The following RB1 variants were observed in gnomAD, a reference collection of about 807,000 sequenced individuals.
The protein encoded by RB1 is RB transcriptional corepressor 1, also known as retinoblastoma-associated protein.
In RB1, 18 loss-of-function variants were observed where a neutral mutation model predicts 135.4. The ratio of observed to expected loss-of-function variants is 0.13; its 90% confidence interval spans 0.09 to 0.20. RB1 has a LOEUF of 0.20. Among genes scored for constraint, RB1 ranks in the 10% least tolerant of loss-of-function variants. RB1 has a pLI of 1.00. For missense variants in RB1, 868 were observed against 1,110.0 expected (o/e 0.78, Z 3.10); for synonymous variants, 365 against 373.2 (o/e 0.98, Z 0.25).
intron 24 of RB1, 147 bp from the exon 25 acceptor site, chr13:48,476,554 C>T (rs1164091930): frequency 7.7e-6 from 6 of 776,046 alleles, no homozygotes; most frequent in Non-Finnish European, 1.2e-5. Context: ...TTTTTCATAT[C>T]TTTTATTTGG....
At chr13:48,384,703 T>C (rs1278653445) in intron 17 of RB1, among the ~76,000 whole-genome samples, 4 of 152,174 alleles carry the variant, frequency 2.6e-5, no homozygotes, top group Non-Finnish European at 4.4e-5. Context: ...CTCCTGCCAA[T>C]AATTTAATGA....
intron 2 of RB1, among the ~76,000 whole-genome samples, chr13:48,339,022 G>A (rs550153998): frequency 5.3e-5 from 8 of 152,256 alleles, no homozygotes; most frequent in African/African-American, 1.9e-4. Context: ...CTACCTGATC[G>A]TTCCTCTGGA....
chr13:48,338,635 T>C (rs1952409023), intron 2 of RB1, among the ~76,000 whole-genome samples: 1 of 152,246 alleles, frequency 6.6e-6, no homozygotes, highest in Non-Finnish European at 1.5e-5. Context: ...CTTCCTTCTT[T>C]AGCTCGGAGA....
chr13:48,408,747 AC>A (rs1948762101), intron 17 of RB1: 1 of 152,132 alleles, frequency 6.6e-6, no homozygotes. Context: ...ATCTTACAAA[AC>A]TTTTGATTCA....
intron 6 of RB1, among the ~76,000 whole-genome samples, chr13:48,355,576 C>T (rs1952582864): frequency 6.6e-6 from 1 of 152,048 alleles, no homozygotes; most frequent in African/African-American, 2.4e-5. Flanking sequence ...CAGGTATATA[C>T]CCAACGAAAG....
chr13:48,338,731 T>C (rs1952410935), intron 2 of RB1, among the ~76,000 whole-genome samples: 1 of 152,252 alleles, frequency 6.6e-6, no homozygotes, highest in African/African-American at 2.4e-5. Flanking sequence ...AGGAGCTGCG[T>C]TCCTTTGGAG....
At chr13:48,351,758 C>G (rs923484765) in intron 6 of RB1, among the ~76,000 whole-genome samples, 2 of 151,978 alleles carry the variant, frequency 1.3e-5, no homozygotes, top group African/African-American at 2.4e-5. Context: ...ACTGCAACCT[C>G]TGCCTCCCGG....
At position 48,331,944 on chromosome 13, in the gene RB1, T is replaced by C. The variant is rs369251807; in HGVS notation, c.265-10655T>C. ...AACCCATTGTAAGTCAAAAATATCT[T>C]AAGTTAAAATTGCATTAAGATCATG... On this transcript the variant is annotated intron_variant, in intron 2 of 26. Transcript: ENST00000267163. Among the ~76,000 whole-genome samples, 15 of 152,316 alleles carry C rather than the reference T, an allele frequency of 9.8e-5. No homozygotes were observed. The South Asian group carries it at 1.0e-3, about 11-fold the overall frequency.
At chr13:48,342,554 G>C in intron 2 of RB1, 45 bp from the exon 3 acceptor site, 2 of 1,162,010 alleles carry the variant, frequency 1.7e-6, no homozygotes, top group Non-Finnish European at 2.6e-6. Context: ...TATCCAGTGT[G>C]TGAATTATTT....
intron 2 of RB1, chr13:48,328,170 T>C (rs1196495691): frequency 1.9e-5 from 27 of 1,445,774 alleles, no homozygotes; most frequent in Non-Finnish European, 2.5e-5. Flanking sequence ...CTTTCCTTTA[T>C]TGAAGGAGTT....
chr13:48,457,328 A>AGTGTTCAGCTATCAGTAGAG (rs1358215268), intron 19 of RB1, among the ~76,000 whole-genome samples: 1 of 152,098 alleles, frequency 6.6e-6, no homozygotes, highest in Non-Finnish European at 1.5e-5. Context: ...CGTCCTGACA[A>AGTGTTCAGCTATCAGTAGAG]GTGTTCAGCT....
At chr13:48,425,610 C>G (rs74860404) in intron 17 of RB1, among the ~76,000 whole-genome samples, 4,298 of 152,080 alleles carry the variant, frequency 0.028, 89 homozygotes, top group Non-Finnish European at 0.042. Flanking sequence ...CCCACCTACT[C>G]AGGAGGCAGA....
chr13:48,317,954 GC>G (rs749673697), intron 2 of RB1: 10 of 443,936 alleles, frequency 2.3e-5, no homozygotes, highest in Non-Finnish European at 3.4e-5. Flanking sequence ...GGCCTTTTCC[GC>G]CAAAAACTTA....
chr13:48,340,556 G>A (rs1453701709), intron 2 of RB1, among the ~76,000 whole-genome samples: 3 of 140,930 alleles, frequency 2.1e-5, no homozygotes. Flanking sequence ...AGCAACTTTC[G>A]CTTCATTTTT....
intron 17 of RB1, among the ~76,000 whole-genome samples, chr13:48,448,167 C>T (rs1949302193): frequency 6.6e-6 from 1 of 152,140 alleles, no homozygotes; most frequent in South Asian, 2.1e-4. Context: ...TTTAGTATAA[C>T]AGTATGTGTA....
intron 6 of RB1, among the ~76,000 whole-genome samples, chr13:48,353,106 G>A (rs940874005): frequency 2.0e-5 from 3 of 152,076 alleles, no homozygotes; most frequent in Non-Finnish European, 4.4e-5. Flanking sequence ...AAGAAAGATC[G>A]AGCAGAAATA....
intron 2 of RB1, among the ~76,000 whole-genome samples, chr13:48,332,729 T>C (rs1463320213): frequency 6.6e-6 from 1 of 152,206 alleles, no homozygotes; most frequent in Non-Finnish European, 1.5e-5. Context: ...AAATGGTGAC[T>C]ATGTGAAGTG....
Position 48,367,620 on chromosome 13 carries a change from A to G in RB1, c.1049+17A>G. On this transcript the variant is annotated intron_variant, in intron 10 of 26. Coordinates refer to ENST00000267163, the MANE Select transcript of RB1 (RefSeq NM_000321.3). ...TATAGACAGGTATTGCACATGGTAT[A>G]TTTGATTGATTTGCTTTAGATATAG... The G allele has an allele frequency of 6.3e-7, 1 of 1,596,872 alleles. No individual in the cohort carries two copies. Among genetic ancestry groups the G allele is most frequent in the Non-Finnish European group, 8.6e-7 (1 of 1,169,532 alleles).
intron 17 of RB1, chr13:48,412,276 T>A (rs1354662734): frequency 6.2e-7 from 1 of 1,613,984 alleles, no homozygotes; most frequent in Admixed American, 1.7e-5. Context: ...GTAGTTTCAT[T>A]TCGGACTTTG....
Sources: allele counts gnomAD v4.1 joint callset (sites outside exome capture counted in the v4.1 genomes callset), GRCh38; gene constraint gnomAD v4.1.1; transcripts MANE v1.5; gene names NCBI Gene and HGNC (gene_info 2026-07-23, HGNC 2026-07-21).